TMEM132C: variants seen among roughly 807,000 people sequenced by gnomAD.
TMEM132C encodes protein phosphatase 1, regulatory subunit 152.
In TMEM132C, 29 loss-of-function variants were observed where a neutral mutation model predicts 61.4. The observed-to-expected ratio is 0.47, with a 90% confidence interval of 0.35 to 0.64. TMEM132C has a LOEUF of 0.64. TMEM132C is among the 30% of genes least tolerant of loss of function. The probability of loss-of-function intolerance (pLI) is 0.00; values close to 1 mark genes in which losing one functional copy is unlikely to be tolerated. For synonymous variants in TMEM132C, 656 were observed against 633.1 expected (o/e 1.04, Z -0.54); for missense variants, 1,408 against 1,476.9 (o/e 0.95, Z 0.76).
intron 1 of TMEM132C, among the ~76,000 whole-genome samples, chr12:128,413,231 G>A (rs188892717): frequency 1.3e-4 from 18 of 139,086 alleles, no homozygotes; most frequent in African/African-American, 4.0e-4. Flanking sequence ...CCCGGGAGGC[G>A]GAGCTTGCAG....
intron 3 of TMEM132C, among the ~76,000 whole-genome samples, chr12:128,584,825 G>A (rs1875481540): frequency 6.6e-6 from 1 of 152,162 alleles, no homozygotes; most frequent in Non-Finnish European, 1.5e-5. Context: ...TCCTCCACAT[G>A]GCTGTCCCCA....
intron 3 of TMEM132C, among the ~76,000 whole-genome samples, chr12:128,588,772 G>A (rs923553611): frequency 1.1e-4 from 17 of 152,130 alleles, no homozygotes; most frequent in African/African-American, 3.9e-4. Context: ...AAGGACCCTC[G>A]TCAGACACCA....
intron 4 of TMEM132C, among the ~76,000 whole-genome samples, chr12:128,619,411 G>A (rs1363421353): frequency 6.6e-6 from 1 of 152,220 alleles, no homozygotes; most frequent in African/African-American, 2.4e-5. Flanking sequence ...AATGCAATGG[G>A]AAAAGCAGGG....
chr12:128,333,607 TAG>T (rs1479422273), intron 1 of TMEM132C, among the ~76,000 whole-genome samples: 2 of 151,626 alleles, frequency 1.3e-5, no homozygotes, highest in African/African-American at 2.4e-5. Flanking sequence ...GTGTATTTGT[TAG>T]AGTGTGTGGT....
chr12:128,506,014 T>C (rs1210219711), intron 2 of TMEM132C, among the ~76,000 whole-genome samples: 1 of 152,220 alleles, frequency 6.6e-6, no homozygotes, highest in African/African-American at 2.4e-5. Context: ...GGCATAAATA[T>C]GGAGCATTTT....
intron 1 of TMEM132C, among the ~76,000 whole-genome samples, chr12:128,340,329 T>C (rs1872915536): frequency 6.6e-6 from 1 of 152,228 alleles, no homozygotes; most frequent in Non-Finnish European, 1.5e-5. Flanking sequence ...GCTTGAATAC[T>C]CTATCGGTGC....
chr12:128,692,268 GTCTA>G (rs1312286473), intron 5 of TMEM132C, among the ~76,000 whole-genome samples: 5 of 152,186 alleles, frequency 3.3e-5, no homozygotes, highest in Admixed American at 2.6e-4. Context: ...CTGTTCATCT[GTCTA>G]TCCATCTATC....
At chr12:128,295,765 G>T (rs1329451196) in intron 1 of TMEM132C, among the ~76,000 whole-genome samples, 2 of 145,074 alleles carry the variant, frequency 1.4e-5, no homozygotes, top group Non-Finnish European at 3.0e-5. Flanking sequence ...TCAGTTTTAA[G>T]CACCAATTAA....
chr12:128,459,382 G>C (rs376983026), intron 2 of TMEM132C, among the ~76,000 whole-genome samples: 1 of 152,190 alleles, frequency 6.6e-6, no homozygotes, highest in Non-Finnish European at 1.5e-5. Flanking sequence ...GCTCACTGTG[G>C]CTGGGGTAGA....
rs945705788 is a variant in TMEM132C at position 128,267,343 on chromosome 12, C to G, written c.-60C>G. 1 of 974,240 alleles carries G rather than the reference C, an allele frequency of 1.0e-6. No homozygotes were observed. 60.3% of individuals were successfully genotyped at this position (974,240 alleles called of 1,614,324 possible). A position where few individuals can be genotyped will look rare whatever the true frequency, so the allele number is the denominator to read the frequency against. On this transcript the variant is annotated 5_prime_UTR_variant, in exon 1 of 9. Transcript: ENST00000435159. Reference sequence around the variant, plus strand: ...CCGGGCATGGGGCGGCCGGCGGGGGCCGCGGGCGGGCGCTGCGCTTCGGGC... The same window carrying G: ...CCGGGCATGGGGCGGCCGGCGGGGGGCGCGGGCGGGCGCTGCGCTTCGGGC...
chr12:128,594,465 C>T (rs937918865), intron 3 of TMEM132C, among the ~76,000 whole-genome samples: 2 of 151,046 alleles, frequency 1.3e-5, no homozygotes, highest in African/African-American at 4.9e-5. Context: ...TTGCATATTG[C>T]AGGTGCTTGG....
intron 1 of TMEM132C, among the ~76,000 whole-genome samples, chr12:128,319,353 C>CTG (rs1172436113): frequency 2.2e-4 from 29 of 134,718 alleles, no homozygotes; most frequent in African/African-American, 7.2e-4. Context: ...ATTTGCAGTC[C>CTG]CGAGAGAGAG....
intron 1 of TMEM132C, among the ~76,000 whole-genome samples, chr12:128,331,057 T>G (rs1872654050): frequency 6.6e-6 from 1 of 152,056 alleles, no homozygotes; most frequent in Non-Finnish European, 1.5e-5. Flanking sequence ...AAAGTTGAAA[T>G]CCTTTGCACC....
chr12:128,421,881 C>T (rs1215740264), intron 2 of TMEM132C, among the ~76,000 whole-genome samples: 1 of 152,194 alleles, frequency 6.6e-6, no homozygotes, highest in East Asian at 1.9e-4. Context: ...CTTTTTCCAT[C>T]TCTCTGTTCA....
At chr12:128,463,915 ACC>A (rs1215996075) in intron 2 of TMEM132C, among the ~76,000 whole-genome samples, 3 of 152,112 alleles carry the variant, frequency 2.0e-5, no homozygotes, top group Admixed American at 6.5e-5. Flanking sequence ...CCACGGGCCC[ACC>A]TTGGATTCAT....
intron 2 of TMEM132C, among the ~76,000 whole-genome samples, chr12:128,539,979 G>C (rs189836222): frequency 5.6e-4 from 85 of 151,920 alleles, no homozygotes; most frequent in Non-Finnish European, 8.8e-4. Flanking sequence ...TCTTTTCTCT[G>C]TTTCTTTTTT....
At position 128,493,077 on chromosome 12, in the gene TMEM132C, G is replaced by A. The variant is rs528102183; in HGVS notation, c.975-50880G>A. On this transcript the variant is annotated intron_variant, in intron 2 of 8. Coordinates refer to ENST00000435159, the MANE Select transcript of TMEM132C (RefSeq NM_001136103.3). ...TCAGCTTTCTACATATGGCTAGCCAGTTTTCCCAGCACCATTTATTAAATA... is the reference window on the plus strand; with the variant it reads ...TCAGCTTTCTACATATGGCTAGCCAATTTTCCCAGCACCATTTATTAAATA... Among the ~76,000 whole-genome samples, 513 of 152,296 alleles carry A rather than the reference G, an allele frequency of 3.4e-3. 2 individuals carry two copies. The highest frequency in any genetic ancestry group is 0.012 in the African/African-American group (481 of 41,564).
intron 2 of TMEM132C, among the ~76,000 whole-genome samples, chr12:128,520,285 C>A (rs1872858349): frequency 6.6e-6 from 1 of 152,186 alleles, no homozygotes; most frequent in East Asian, 1.9e-4. Context: ...TAGATGTCTA[C>A]CAACGTTTTC....
intron 2 of TMEM132C, among the ~76,000 whole-genome samples, chr12:128,423,783 C>T (rs1306364235): frequency 6.6e-6 from 1 of 151,788 alleles, no homozygotes; most frequent in Non-Finnish European, 1.5e-5. Flanking sequence ...CCTGTAATCC[C>T]AGAACTTTGG....
Sources: gnomAD v4.1 joint callset for allele counts (sites outside exome capture counted in the v4.1 genomes callset) on GRCh38, gnomAD v4.1.1 for gene constraint, MANE v1.5 for transcripts, NCBI Gene and HGNC (gene_info 2026-07-23, HGNC 2026-07-21) for gene names.